ECE1: variants seen among roughly 807,000 people sequenced by gnomAD.
ECE1 encodes endothelin converting enzyme 1, also known as endothelin-converting enzyme 1.
A neutral mutation model predicts 98.6 loss-of-function variants in ECE1; 35 were observed. The observed-to-expected ratio is 0.35, with a 90% CI of 0.27 to 0.47. The LOEUF is 0.47. ECE1 is among the 20% of genes least tolerant of loss of function. The probability of loss-of-function intolerance (pLI) is 1.00; values close to 1 mark genes in which losing one functional copy is unlikely to be tolerated. For missense variants in ECE1, 814 were observed against 1,025.3 expected (o/e 0.79, Z 2.81); for synonymous variants, 394 against 407.1 (o/e 0.97, Z 0.39).
chr1:21,278,041 G>A (rs1157211181), intron 3 of ECE1, among the ~76,000 whole-genome samples: 1 of 152,150 alleles, frequency 6.6e-6, no homozygotes, highest in Non-Finnish European at 1.5e-5. Flanking sequence ...CACACAGCCT[G>A]TAGTGGATGT....
intron 1 of ECE1, among the ~76,000 whole-genome samples, chr1:21,315,865 C>T (rs1218233755): frequency 6.6e-6 from 1 of 151,822 alleles, no homozygotes; most frequent in Non-Finnish European, 1.5e-5. Context: ...TGAATCCACT[C>T]CCTCTGTCTA....
intron 4 of ECE1, among the ~76,000 whole-genome samples, chr1:21,264,312 C>A (rs1052523974): frequency 1.6e-4 from 12 of 73,250 alleles, no homozygotes; most frequent in African/African-American, 6.5e-4. Context: ...TACCAATTCC[C>A]CCCCCCCCTT....
chr1:21,344,094 C>G (rs914272040), intron 1 of ECE1, among the ~76,000 whole-genome samples: 2 of 152,142 alleles, frequency 1.3e-5, no homozygotes, highest in African/African-American at 4.8e-5. Context: ...TCCACCACTT[C>G]TGACTCTAGT....
At chr1:21,332,925 T>C (rs1206792524) in intron 1 of ECE1, among the ~76,000 whole-genome samples, 2 of 152,076 alleles carry the variant, frequency 1.3e-5, no homozygotes, top group East Asian at 1.9e-4. Flanking sequence ...TCAACACTGT[T>C]ACAATATTAG....
At chr1:21,320,659 C>T (rs1369431921) in intron 1 of ECE1, among the ~76,000 whole-genome samples, 1 of 152,232 alleles carries the variant, frequency 6.6e-6, no homozygotes, top group Admixed American at 6.5e-5. Context: ...GGTCACACAG[C>T]TCCCTGAAGG....
At chr1:21,264,280 A>C (rs1433553674) in intron 4 of ECE1, among the ~76,000 whole-genome samples, 1 of 149,570 alleles carries the variant, frequency 6.7e-6, no homozygotes, top group Non-Finnish European at 1.5e-5. Context: ...AACTCCTTTT[A>C]GTCCAAATAG....
In ECE1 at chr1:21,290,025, G is replaced by A. The variant is rs748491843; in HGVS notation, c.138+45C>T. 4 of 1,128,688 alleles carry A rather than the reference G, an allele frequency of 3.5e-6. No homozygotes were observed. Among genetic ancestry groups the A allele is most frequent in the Non-Finnish European group, 4.4e-6 (4 of 903,322 alleles). 69.9% of individuals were successfully genotyped at this position (1,128,688 alleles called of 1,614,324 possible). On this transcript the variant is annotated intron_variant, in intron 2 of 18. Coordinates refer to ENST00000374893, the MANE Select transcript of ECE1 (RefSeq NM_001397.3). This position sits in a 1 kb window ranked among gnomAD's most constrained non-coding sequence, Gnocchi z 7.3. ...CGCGGCAGCGGCAGCGCGCATGCCC[G>A]GGCCCGGGGCGCCTGGACCTCGGGA...
chr1:21,284,586 G>A (rs1472296932), intron 2 of ECE1, among the ~76,000 whole-genome samples: 1 of 152,228 alleles, frequency 6.6e-6, no homozygotes, highest in Non-Finnish European at 1.5e-5. Flanking sequence ...GGAGTTCCCA[G>A]GGTTTCCACA....
chr1:21,280,512 C>T (rs1033296743), intron 2 of ECE1, among the ~76,000 whole-genome samples: 2 of 152,094 alleles, frequency 1.3e-5, no homozygotes, highest in African/African-American at 4.8e-5. Context: ...TCCTAAGGGG[C>T]ACAGAAAGCC....
rs1208689700 is a variant in ECE1, at chr1:21,327,863, C to T, written c.3+17513G>A. Among the ~76,000 whole-genome samples, 3 of 152,172 alleles carry T rather than the reference C, an allele frequency of 2.0e-5. No individual in the cohort carries two copies. The highest frequency in any genetic ancestry group is 4.4e-5 in the Non-Finnish European group (3 of 68,032). On this transcript the variant is annotated intron_variant, in intron 1 of 18. Coordinates refer to the ECE1 transcript ENST00000415912. The surrounding 1 kb of genome is among the most constrained non-coding windows in gnomAD (Gnocchi z 4.6). ...CAGATCAGCGGTGGCATTAGATTCTCGTAGGAGCGCGAACCCTATTGTGAA... is the reference window on the plus strand; with the variant it reads ...CAGATCAGCGGTGGCATTAGATTCTTGTAGGAGCGCGAACCCTATTGTGAA...
In ECE1 at chr1:21,341,721, G is replaced by A. The variant is rs139923552; in HGVS notation, c.3+3655C>T. Among the ~76,000 whole-genome samples, 126 of 152,336 alleles carry A rather than the reference G, an allele frequency of 8.3e-4. 4 individuals are homozygous for A. The East Asian group carries it at 0.024, about 29-fold the overall frequency. On this transcript the variant is annotated intron_variant, in intron 1 of 18. Coordinates refer to the ECE1 transcript ENST00000415912. Reference sequence around the variant, plus strand: ...GTGAAGTACGCACTGTGCTCTGGGAGCCCCATCTGGAGTGGCTGAGAGGCA... The same window carrying A: ...GTGAAGTACGCACTGTGCTCTGGGAACCCCATCTGGAGTGGCTGAGAGGCA...
intron 3 of ECE1, among the ~76,000 whole-genome samples, chr1:21,278,515 C>CA (rs1253425924): frequency 6.6e-6 from 1 of 152,222 alleles, no homozygotes; most frequent in Admixed American, 6.5e-5. Context: ...GGCTTGAGCC[C>CA]AGTAGCCTGT....
intron 8 of ECE1, among the ~76,000 whole-genome samples, chr1:21,249,968 G>A (rs1278384645): frequency 2.0e-5 from 3 of 147,656 alleles, no homozygotes; most frequent in African/African-American, 7.5e-5. Context: ...TAATAGAGAC[G>A]GGGTTTTACC....
At position 21,275,172 on chromosome 1, in the gene ECE1, G is replaced by A. The variant is rs144161513; in HGVS notation, c.281-2261C>T. On this transcript the variant is annotated intron_variant, in intron 3 of 18. Coordinates refer to ENST00000374893, the MANE Select transcript of ECE1 (RefSeq NM_001397.3). ...GAGAGTGAGCCTAACGCGGGAAGAC[G>A]CATCAGAATCTGTGTGTATGTGTCT... Among the ~76,000 whole-genome samples, 410 of 152,310 alleles carry A rather than the reference G, an allele frequency of 2.7e-3. 2 individuals carry two copies. The highest frequency in any genetic ancestry group is 3.4e-3 in the Non-Finnish European group (230 of 68,032).
In ECE1 at chr1:21,233,660, T is replaced by C; in HGVS notation, c.1568A>G (p.Tyr523Cys). Residue 523 changes from tyrosine to cysteine, a missense_variant and splice_region_variant, in exon 14 of 19, where the codon TAC becomes TGC. By Grantham distance (194) the Tyr-to-Cys change is radical. Around this residue, in one of 3 missense-constraint regions of ECE1, gnomAD observed 452 missense variants for 567.3 expected, o/e 0.80. Coordinates refer to ENST00000374893, the MANE Select transcript of ECE1 (RefSeq NM_001397.3). This position sits in a 1 kb window ranked among gnomAD's most constrained non-coding sequence, Gnocchi z 4.0. The part of the protein sequence containing the change: ...PKELDKVFND[Y>C]TAVPDLYFEN... ...AAAGTAGAGGTCTGGAACTGCAGTGTACTAGAAAAGAAGAAGTGGAGTCAA... is the reference window on the plus strand; with the variant it reads ...AAAGTAGAGGTCTGGAACTGCAGTGCACTAGAAAAGAAGAAGTGGAGTCAA... The C allele has an allele frequency of 2.5e-6, 4 of 1,613,648 alleles. No homozygotes were observed. The highest frequency in any genetic ancestry group is 3.4e-6 in the Non-Finnish European group (4 of 1,179,714).
At chr1:21,334,295 T>G (rs1011404016) in intron 1 of ECE1, among the ~76,000 whole-genome samples, 8 of 152,174 alleles carry the variant, frequency 5.3e-5, no homozygotes, top group African/African-American at 1.9e-4. Context: ...CATGCCCTCC[T>G]CTCTCTGGCT....
At chr1:21,337,296 T>C (rs1639321616) in intron 1 of ECE1, among the ~76,000 whole-genome samples, 1 of 152,034 alleles carries the variant, frequency 6.6e-6, no homozygotes, top group Non-Finnish European at 1.5e-5. Flanking sequence ...ACCTCAAACA[T>C]TCCTTGCTGT....
chr1:21,292,539 T>C (rs1235149525), upstream of ECE1, among the ~76,000 whole-genome samples: 1 of 152,246 alleles, frequency 6.6e-6, no homozygotes, highest in Non-Finnish European at 1.5e-5. Context: ...ACAGTACTTG[T>C]TGCAGACTGT....
rs1638985482 is a variant in ECE1 at position 21,322,464 on chromosome 1, C to T, written c.3+22912G>A. 6.6e-6 allele frequency among the ~76,000 whole-genome samples: 1 copy of T among 152,220 alleles called. No homozygotes were observed. Among genetic ancestry groups the T allele is most frequent in the African/African-American group, 2.4e-5 (1 of 41,456 alleles). ...AGTGGGTTCTTTGGGGGCAGGAGAGCAACCAGCCCTTCTCACCTGGCCAGT... is the reference window on the plus strand; with the variant it reads ...AGTGGGTTCTTTGGGGGCAGGAGAGTAACCAGCCCTTCTCACCTGGCCAGT... On this transcript the variant is annotated intron_variant, in intron 1 of 18. Transcript: ENST00000415912. This position sits in a 1 kb window ranked among gnomAD's most constrained non-coding sequence, Gnocchi z 4.1.
Sources: gnomAD v4.1 joint callset for allele counts (sites outside exome capture counted in the v4.1 genomes callset) on GRCh38, gnomAD v4.1.1 for gene constraint, gnomAD v4.1.1 regional missense constraint, Gnocchi (gnomAD v3.1) non-coding constraint, MANE v1.5 for transcripts, NCBI Gene and HGNC (gene_info 2026-07-23, HGNC 2026-07-21) for gene names.